SPTLC1: variants seen among roughly 807,000 people sequenced by gnomAD.
SPTLC1 encodes the protein serine palmitoyltransferase 1.
SPTLC1 carries 55 observed loss-of-function variants against 68.9 expected under a neutral mutation model. The ratio of observed to expected loss-of-function variants is 0.80; its 90% confidence interval spans 0.64 to 1.00. The LOEUF (loss-of-function observed/expected upper bound fraction) is 1.00, where lower values mean the gene tolerates loss of function less well. Ranked by LOEUF, SPTLC1 falls within the 50% of genes least tolerant of loss-of-function variation. SPTLC1 has a pLI of 0.00. For missense variants in SPTLC1, 449 were observed against 573.1 expected (o/e 0.78, Z 2.21); for synonymous variants, 197 against 201.6 (o/e 0.98, Z 0.19).
chr9:92,115,277 G>A lies in SPTLC1; in HGVS notation c.57+37C>T, dbSNP rs756089087. The stretch of plus-strand genomic sequence containing the variant: ...GCGTCCTCCCACCCTCCCCGGGCCC[G>A]GGTGTGGTCGCGGACCGCTAATGGC... On this transcript the variant is annotated intron_variant, in intron 1 of 14. Coordinates refer to ENST00000262554, the MANE Select transcript of SPTLC1 (RefSeq NM_006415.4). 1.9e-6 allele frequency: 3 copies of A among 1,607,664 alleles called. No homozygotes were observed. The South Asian group carries it at 3.3e-5, about 18-fold the overall frequency.
rs774740506 is a variant in SPTLC1, at chr9:92,067,161, T to C, written c.560+805A>G. On this transcript the variant is annotated intron_variant, in intron 6 of 14. Transcript: ENST00000262554. ...GAAAATACAAAAAATTAGCCAGGCA[T>C]GGTGGCGCATGCCTGTAATCCCAGC... Among the ~76,000 whole-genome samples the C allele has an allele frequency of 9.4e-4, 142 of 151,802 alleles. 3 individuals are homozygous for C. The highest frequency in any genetic ancestry group is 4.6e-3 in the Admixed American group (70 of 15,236).
intron 13 of SPTLC1, among the ~76,000 whole-genome samples, chr9:92,037,391 A>G (rs759848178): frequency 4.2e-4 from 64 of 152,208 alleles, no homozygotes; most frequent in Non-Finnish European, 6.8e-4. Context: ...TATATGTCAG[A>G]TTCTTCTCAA....
intron 3 of SPTLC1, among the ~76,000 whole-genome samples, chr9:92,088,113 G>C (rs1378877536): frequency 2.6e-5 from 4 of 152,252 alleles, no homozygotes; most frequent in Non-Finnish European, 5.9e-5. Flanking sequence ...CGCAGTATTA[G>C]GGTGGGAGTG....
chr9:92,077,285 A>C (rs769518607), intron 5 of SPTLC1, among the ~76,000 whole-genome samples: 4 of 152,094 alleles, frequency 2.6e-5, no homozygotes, highest in Non-Finnish European at 5.9e-5. Context: ...GCTAGACAGG[A>C]AATCCACTAA....
rs1454650085 is a variant in SPTLC1, at chr9:92,045,990, A to G, written c.1136+9T>C. ...AACTTTATGTTGGTTGAAAATATATAAAACTCACCCTTGTAAAGCTTTATG... is the reference window on the plus strand; with the variant it reads ...AACTTTATGTTGGTTGAAAATATATGAAACTCACCCTTGTAAAGCTTTATG... On this transcript the variant is annotated intron_variant, in intron 12 of 14. Coordinates refer to ENST00000262554, the MANE Select transcript of SPTLC1 (RefSeq NM_006415.4). 2 of 1,610,402 alleles carry G rather than the reference A, an allele frequency of 1.2e-6. No homozygotes were observed. The highest frequency in any genetic ancestry group is 4.5e-5 in the East Asian group (2 of 44,846).
chr9:92,036,171 G>A (rs1307449105), intron 13 of SPTLC1, among the ~76,000 whole-genome samples: 1 of 152,200 alleles, frequency 6.6e-6, no homozygotes, highest in Non-Finnish European at 1.5e-5. Flanking sequence ...TTTCTAGATA[G>A]TATTCTGTTC....
intron 8 of SPTLC1, 155 bp downstream of exon 8, chr9:92,055,248 TCA>T: frequency 6.7e-7 from 1 of 1,489,566 alleles, no homozygotes; most frequent in East Asian, 2.6e-5. Context: ...GCACTGGCAT[TCA>T]GTGTTGTTCT....
chr9:92,056,499 T>G (rs1833895905), intron 7 of SPTLC1, among the ~76,000 whole-genome samples: 1 of 152,194 alleles, frequency 6.6e-6, no homozygotes, highest in Admixed American at 6.5e-5. Flanking sequence ...CTGCTGGGAT[T>G]ACAGCTTTGA....
intron 3 of SPTLC1, among the ~76,000 whole-genome samples, chr9:92,091,648 T>C (rs1392570605): frequency 6.6e-6 from 1 of 152,234 alleles, no homozygotes; most frequent in Non-Finnish European, 1.5e-5. Flanking sequence ...CAAGAAACTC[T>C]TTTAAATGCT....
intron 3 of SPTLC1, among the ~76,000 whole-genome samples, chr9:92,098,299 C>T (rs923667288): frequency 6.6e-6 from 1 of 151,902 alleles, no homozygotes; most frequent in African/African-American, 2.4e-5. Context: ...CAACCTATCC[C>T]GCCCCTACCC....
At chr9:92,079,354 G>C in intron 5 of SPTLC1, 1 of 1,419,084 alleles carries the variant, frequency 7.0e-7, no homozygotes. Context: ...GGGATTACAG[G>C]CATGAGCCAC....
chr9:92,100,881 T>A (rs1163644901), intron 3 of SPTLC1, among the ~76,000 whole-genome samples: 1 of 150,442 alleles, frequency 6.6e-6, no homozygotes, highest in Non-Finnish European at 1.5e-5. Context: ...GATATTACAC[T>A]ACTGTGTCCT....
intron 3 of SPTLC1, chr9:92,105,448 G>A (rs1188711617): frequency 1.5e-6 from 2 of 1,290,542 alleles, no homozygotes; most frequent in Non-Finnish European, 1.1e-6. Flanking sequence ...GCCCACGCCT[G>A]TAATCCAGCA....
chr9:92,094,871 C>T (rs1045916316), intron 3 of SPTLC1, among the ~76,000 whole-genome samples: 1 of 152,170 alleles, frequency 6.6e-6, no homozygotes. Flanking sequence ...AGTAAGCCCG[C>T]CACCACGAAG....
intron 2 of SPTLC1, chr9:92,109,080 C>T (rs1836123588): frequency 1.5e-5 from 6 of 393,488 alleles, no homozygotes; most frequent in South Asian, 4.6e-5. Flanking sequence ...GGAGCTCTCT[C>T]GGCTCTCCTA....
intron 12 of SPTLC1, 137 bp downstream of exon 12, chr9:92,045,862 T>G (rs2118437152): frequency 2.8e-6 from 2 of 705,740 alleles, no homozygotes; most frequent in East Asian, 5.4e-5. Flanking sequence ...AATAAACCAA[T>G]GTGAGTGAAC....
chr9:92,056,039 C>A (rs1833878442), intron 7 of SPTLC1, among the ~76,000 whole-genome samples: 2 of 152,178 alleles, frequency 1.3e-5, no homozygotes, highest in South Asian at 4.1e-4. Flanking sequence ...CTTCACTATA[C>A]CACTGTGTTT....
chr9:92,088,643 T>G (rs76644172), intron 3 of SPTLC1, among the ~76,000 whole-genome samples: 88 of 152,072 alleles, frequency 5.8e-4, no homozygotes, highest in Admixed American at 9.8e-4. Flanking sequence ...AAAACTGTAA[T>G]ACACAGAAAA....
At chr9:92,091,398 A>G (rs1171454387) in intron 3 of SPTLC1, among the ~76,000 whole-genome samples, 1 of 152,266 alleles carries the variant, frequency 6.6e-6, no homozygotes. Flanking sequence ...GACAGACGTG[A>G]AAATGACAGA....
Sources: gnomAD v4.1 joint callset for allele counts (sites outside exome capture counted in the v4.1 genomes callset) on GRCh38, gnomAD v4.1.1 for gene constraint, MANE v1.5 for transcripts, NCBI Gene and HGNC (gene_info 2026-07-23, HGNC 2026-07-21) for gene names.